The following TJP2 variants were observed in gnomAD, a reference collection of about 807,000 sequenced individuals.
TJP2 encodes the protein tight junction protein 2.
Under a neutral mutation model 133.1 loss-of-function variants are expected in TJP2, and 91 were observed. The observed-to-expected ratio is 0.68, with a 90% CI of 0.58 to 0.81. The LOEUF (loss-of-function observed/expected upper bound fraction) is 0.81. TJP2 is among the 40% of genes least tolerant of loss of function. The pLI is 0.00. For synonymous variants in TJP2, 592 were observed against 583.4 expected (o/e 1.01, Z -0.21); for missense variants, 1,541 against 1,565.6 (o/e 0.98, Z 0.26).
chr9:69,174,919 T>G (rs1285837839), intron 1 of TJP2, among the ~76,000 whole-genome samples: 1 of 151,928 alleles, frequency 6.6e-6, no homozygotes, highest in Non-Finnish European at 1.5e-5. Context: ...GTTTTTTTTT[T>G]TTTTTTTTTC....
At chr9:69,205,274 T>C (rs1827311235) in intron 1 of TJP2, 2 of 1,537,172 alleles carry the variant, frequency 1.3e-6, no homozygotes, top group Non-Finnish European at 1.7e-6. Context: ...TTCCCCAACC[T>C]TTCTTCATGG....
chr9:69,202,302 G>T (rs558488102), intron 1 of TJP2, among the ~76,000 whole-genome samples: 31 of 152,256 alleles, frequency 2.0e-4, no homozygotes, highest in African/African-American at 7.5e-4. Flanking sequence ...CATTCATGAG[G>T]TTGGAGCCCT....
intron 1 of TJP2, among the ~76,000 whole-genome samples, chr9:69,144,163 A>G (rs1823119737): frequency 6.6e-6 from 1 of 152,134 alleles, no homozygotes; most frequent in South Asian, 2.1e-4. Flanking sequence ...CCACGTGCCC[A>G]GCAACACTCA....
chr9:69,184,752 CT>C (rs564424748), intron 1 of TJP2, among the ~76,000 whole-genome samples: 60 of 125,854 alleles, frequency 4.8e-4, no homozygotes, highest in African/African-American at 5.1e-4. Flanking sequence ...TCTCTCTCTT[CT>C]TTTTTTTTTT....
At position 69,225,356 on chromosome 9, in the gene TJP2, G is replaced by A. The variant is rs140444730; in HGVS notation, c.1005G>A (p.Thr335=). 177 of 1,613,930 alleles carry A rather than the reference G, an allele frequency of 1.1e-4. 2 individuals are homozygous for A. In the East Asian group the frequency reaches 2.3e-3, roughly 21 times the overall value. ...TCTTCGTAAAGGAAATGACCCGAAC[G>A]GGTCTGGCAACTAAAGATGGCAACC... ...SQIFVKEMTR[T]GLATKDGNLH... The change falls in exon 6 of 23, where the codon ACG becomes ACA. Residue 335 remains threonine (T), a synonymous_variant. Coordinates refer to ENST00000377245, the MANE Select transcript of TJP2 (RefSeq NM_004817.4).
At chr9:69,185,281 C>T (rs1332092560) in intron 1 of TJP2, among the ~76,000 whole-genome samples, 1 of 151,988 alleles carries the variant, frequency 6.6e-6, no homozygotes, top group Non-Finnish European at 1.5e-5. Context: ...AGGCTGGTCT[C>T]GAACTCCTGA....
At chr9:69,218,408 T>C (rs370159975) in intron 4 of TJP2, 49 bp downstream of exon 4, 6 of 1,460,870 alleles carry the variant, frequency 4.1e-6, no homozygotes, top group Non-Finnish European at 4.8e-6. Context: ...TTTTGGTTTT[T>C]TGCCCAGAAG....
At chr9:69,130,879 G>A (rs528241885) in intron 1 of TJP2, among the ~76,000 whole-genome samples, 3 of 152,288 alleles carry the variant, frequency 2.0e-5, no homozygotes, top group Non-Finnish European at 2.9e-5. Flanking sequence ...GGAGAGTGAG[G>A]ACATGTATGG....
At chr9:69,128,609 G>A (rs1304470099) in intron 1 of TJP2, among the ~76,000 whole-genome samples, 1 of 149,518 alleles carries the variant, frequency 6.7e-6, no homozygotes, top group Non-Finnish European at 1.5e-5. Flanking sequence ...TACAAGCTCT[G>A]CCTTCCGGGT....
At chr9:69,218,807 CTG>C (rs1462290252) in intron 4 of TJP2, among the ~76,000 whole-genome samples, 8 of 152,206 alleles carry the variant, frequency 5.3e-5, no homozygotes, top group Admixed American at 4.6e-4. Context: ...TGAGAATCAA[CTG>C]TGAGCTGGAT....
chr9:69,234,372 TTC>T lies in TJP2; in HGVS notation c.1672-65_1672-64del, dbSNP rs1472320450. 1.2e-4 allele frequency: 137 copies of T among 1,171,382 alleles called. No individual in the cohort carries two copies. The African/African-American group carries it at 1.7e-3, about 15-fold the overall frequency. 72.6% of individuals were successfully genotyped at this position (1,171,382 alleles called of 1,614,324 possible). Reference sequence around the variant, plus strand: ...ATCTTACTATAAACTTCTCTGTTTTTTCTTTCTTTCTTTCTTTCTTTCTTTCT... The same window carrying T: ...ATCTTACTATAAACTTCTCTGTTTTTTTTCTTTCTTTCTTTCTTTCTTTCT... On this transcript the variant is annotated intron_variant, in intron 11 of 22. Transcript: ENST00000377245.
upstream of TJP2, among the ~76,000 whole-genome samples, chr9:69,169,509 C>T (rs549590642): frequency 6.6e-6 from 1 of 152,162 alleles, no homozygotes; most frequent in South Asian, 2.1e-4. Flanking sequence ...CAGGCGCCTG[C>T]TACCATGCCA....
At chr9:69,145,712 C>T in intron 1 of TJP2, 1 of 1,231,766 alleles carries the variant, frequency 8.1e-7, no homozygotes, top group Non-Finnish European at 1.0e-6. Context: ...AGATGAGGTA[C>T]AAGAAATATA....
intron 2 of TJP2, among the ~76,000 whole-genome samples, chr9:69,157,997 G>T (rs1020627293): frequency 1.3e-5 from 2 of 152,010 alleles, no homozygotes; most frequent in Non-Finnish European, 2.9e-5. Flanking sequence ...CAGAACCTAA[G>T]AATTAAAAGC....
intron 1 of TJP2, among the ~76,000 whole-genome samples, chr9:69,151,342 G>T (rs1823465724): frequency 6.6e-6 from 1 of 152,090 alleles, no homozygotes; most frequent in African/African-American, 2.4e-5. Context: ...TTAGCCGGGC[G>T]TGGTGGCGCA....
intron 1 of TJP2, chr9:69,121,983 T>A (rs917951826): frequency 2.6e-5 from 4 of 152,394 alleles, no homozygotes; most frequent in Non-Finnish European, 5.9e-5. Context: ...GCTGTGTACT[T>A]CATCGGGCAT....
chr9:69,216,248 T>C, intron 2 of TJP2, 91 bp from the exon 3 acceptor site: 1 of 1,500,556 alleles, frequency 6.7e-7, no homozygotes, highest in Non-Finnish European at 9.2e-7. Context: ...CTCTGGTTAT[T>C]GATTTGACCT....
chr9:69,220,277 G>GAT, intron 4 of TJP2, among the ~76,000 whole-genome samples: 1 of 152,214 alleles, frequency 6.6e-6, no homozygotes, highest in Non-Finnish European at 1.5e-5. Context: ...ATTCAGATGA[G>GAT]ATTGGGCACG....
chr9:69,140,642 A>G (rs565521160), intron 1 of TJP2, among the ~76,000 whole-genome samples: 13 of 152,212 alleles, frequency 8.5e-5, no homozygotes, highest in Non-Finnish European at 1.3e-4. Flanking sequence ...CCCTCACCCA[A>G]TGAATGGCCA....
Sources: allele counts gnomAD v4.1 joint callset (sites outside exome capture counted in the v4.1 genomes callset), GRCh38; gene constraint gnomAD v4.1.1; transcripts MANE v1.5; gene names NCBI Gene and HGNC (gene_info 2026-07-23, HGNC 2026-07-21).